SH3BGRL2: variants seen among roughly 807,000 people sequenced by gnomAD.
The protein encoded by SH3BGRL2 is SH3 domain binding glutamate rich protein like 2.
SH3BGRL2 carries 21 observed loss-of-function variants against 14.8 expected under a neutral mutation model. The ratio of observed to expected loss-of-function variants is 1.42; its 90% CI spans 1.01 to 2.05. The LOEUF (loss-of-function observed/expected upper bound fraction) is 2.05, where lower values mean the gene tolerates loss of function less well. Ranked by LOEUF, SH3BGRL2 falls within the 30% of genes most tolerant of loss-of-function variation. The probability of loss-of-function intolerance (pLI) is 0.00; values close to 1 mark genes in which losing one functional copy is unlikely to be tolerated. For missense variants in SH3BGRL2, 147 were observed against 130.8 expected (o/e 1.12, Z -0.61); for synonymous variants, 50 against 47.8 (o/e 1.05, Z -0.19).
chr6:79,627,542 G>A (rs1768757452), upstream of SH3BGRL2, among the ~76,000 whole-genome samples: 1 of 152,176 alleles, frequency 6.6e-6, no homozygotes, highest in Non-Finnish European at 1.5e-5. Flanking sequence ...GATGAAATTT[G>A]CCAAAGGAGA....
chr6:79,652,767 A>G (rs1022387779), intron 1 of SH3BGRL2, among the ~76,000 whole-genome samples: 2 of 152,122 alleles, frequency 1.3e-5, no homozygotes, highest in African/African-American at 4.8e-5. Context: ...TAAAGCAGGA[A>G]CTATAATCAC....
chr6:79,641,153 TGTGTGTGTG>T (rs1769026458), intron 1 of SH3BGRL2, among the ~76,000 whole-genome samples: 1 of 28,758 alleles, frequency 3.5e-5, no homozygotes. Flanking sequence ...CACCCTTTTG[TGTGTGTGTG>T]TGTGTGTGTG....
chr6:79,546,612 C>G, the SH3BGRL2 span, among the ~76,000 whole-genome samples: 1 of 151,770 alleles, frequency 6.6e-6, no homozygotes, highest in Non-Finnish European at 1.5e-5. Flanking sequence ...GTAGGAAGTA[C>G]AAGAAAATAA....
chr6:79,600,878 CCTCA>C, the SH3BGRL2 span, among the ~76,000 whole-genome samples: 488 of 152,262 alleles, frequency 3.2e-3, 2 homozygotes, highest in African/African-American at 0.011. Flanking sequence ...ATTAATAAAT[CCTCA>C]CTGTCACACC....
the SH3BGRL2 span, among the ~76,000 whole-genome samples, chr6:79,621,658 T>C: frequency 9.9e-5 from 15 of 152,142 alleles, no homozygotes; most frequent in Non-Finnish European, 1.6e-4. Flanking sequence ...TTGCCACTCA[T>C]CCCCCTTTGT....
rs1304348115 is a variant in SH3BGRL2, at chr6:79,702,351, A to G, written c.*2842A>G. The G allele has an allele frequency of 1.3e-5, 2 of 152,574 alleles. No individual in the cohort carries two copies. Among genetic ancestry groups the G allele is most frequent in the Non-Finnish European group, 2.9e-5 (2 of 68,016 alleles). The allele number at this position is 152,574 out of a possible 1,614,324, so 9.5% of individuals were successfully genotyped here. A position where few individuals can be genotyped will look rare whatever the true frequency, so the allele number is the denominator to read the frequency against. On this transcript the variant is annotated 3_prime_UTR_variant, in exon 4 of 4. Transcript: ENST00000369838. ...TAGGGGTTTTGCTTTTTCTAGAGATACTTTTCATTTAACAGCTTTTGTTAA... is the reference window on the plus strand; with the variant it reads ...TAGGGGTTTTGCTTTTTCTAGAGATGCTTTTCATTTAACAGCTTTTGTTAA...
intron 1 of SH3BGRL2, among the ~76,000 whole-genome samples, chr6:79,658,056 A>G (rs1282936476): frequency 2.6e-5 from 4 of 152,204 alleles, no homozygotes; most frequent in African/African-American, 9.6e-5. Context: ...CGGTTCTAAA[A>G]TATTCCTTTA....
intron 1 of SH3BGRL2, among the ~76,000 whole-genome samples, chr6:79,653,855 T>C (rs895547329): frequency 1.1e-4 from 17 of 152,214 alleles, no homozygotes; most frequent in African/African-American, 3.6e-4. Context: ...TATGTTGCAT[T>C]GTCCCGCTGG....
At chr6:79,584,453 T>C in the SH3BGRL2 span, among the ~76,000 whole-genome samples, 1 of 152,208 alleles carries the variant, frequency 6.6e-6, no homozygotes, top group Non-Finnish European at 1.5e-5. Context: ...AATGCAACAC[T>C]GTAGACCTTC....
chr6:79,684,178 T>C (rs1328795728), intron 2 of SH3BGRL2, among the ~76,000 whole-genome samples: 1 of 152,122 alleles, frequency 6.6e-6, no homozygotes, highest in East Asian at 1.9e-4. Context: ...CACTGATCTT[T>C]CTTACCTCAT....
At chr6:79,581,506 A>G in the SH3BGRL2 span, among the ~76,000 whole-genome samples, 515 of 152,342 alleles carry the variant, frequency 3.4e-3, 4 homozygotes, top group African/African-American at 0.012. Context: ...AATAAACGTA[A>G]TCCATCACAT....
chr6:79,538,018 GTTTTTTTTTTTTTTTTT>G, the SH3BGRL2 span, among the ~76,000 whole-genome samples: 553 of 44,162 alleles, frequency 0.013, 25 homozygotes, highest in African/African-American at 0.036. Context: ...TTGCACACAA[GTTTTTTTTTTTTTTTTT>G]TTTTTTTTTT....
intron 1 of SH3BGRL2, among the ~76,000 whole-genome samples, chr6:79,672,846 G>A (rs1030304137): frequency 9.9e-5 from 15 of 152,170 alleles, no homozygotes; most frequent in African/African-American, 3.6e-4. Flanking sequence ...AGAAGGAAAA[G>A]TGAAAGATCA....
the SH3BGRL2 span, among the ~76,000 whole-genome samples, chr6:79,586,242 T>C: frequency 7.5e-6 from 1 of 132,784 alleles, no homozygotes; most frequent in African/African-American, 3.3e-5. Flanking sequence ...CTTCTTTTTT[T>C]TTTTTTTTTT....
the SH3BGRL2 span, among the ~76,000 whole-genome samples, chr6:79,563,273 G>T: frequency 6.7e-6 from 1 of 148,566 alleles, no homozygotes; most frequent in Non-Finnish European, 1.5e-5. Flanking sequence ...CACCGTGCCC[G>T]GCCTCATTTT....
chr6:79,677,901 A>G (rs1361153808), intron 2 of SH3BGRL2, among the ~76,000 whole-genome samples: 3 of 152,126 alleles, frequency 2.0e-5, no homozygotes, highest in African/African-American at 7.2e-5. Context: ...GGCTTTTATG[A>G]TGAATTGTAG....
intron 2 of SH3BGRL2, among the ~76,000 whole-genome samples, chr6:79,675,409 T>A (rs1769860784): frequency 6.6e-6 from 1 of 152,230 alleles, no homozygotes; most frequent in African/African-American, 2.4e-5. Flanking sequence ...ATATATACAT[T>A]CACCACATCT....
intron 2 of SH3BGRL2, among the ~76,000 whole-genome samples, chr6:79,688,185 G>A (rs142837707): frequency 2.0e-5 from 3 of 151,006 alleles, no homozygotes; most frequent in African/African-American, 7.3e-5. Context: ...AGAAGTATAG[G>A]TGATGAGAGA....
the SH3BGRL2 span, among the ~76,000 whole-genome samples, chr6:79,615,053 A>AC: frequency 0.53 from 80,088 of 151,884 alleles, 21,506 homozygotes; most frequent in Non-Finnish European, 0.57. Context: ...AGCGACTGAT[A>AC]AGGCACTAAG....
Sources: gnomAD v4.1 joint callset for allele counts (sites outside exome capture counted in the v4.1 genomes callset) on GRCh38, gnomAD v4.1.1 for gene constraint, MANE v1.5 for transcripts, NCBI Gene and HGNC (gene_info 2026-07-23, HGNC 2026-07-21) for gene names.